GBE1: variants seen among roughly 807,000 people sequenced by gnomAD.
GBE1 encodes the protein 1,4-alpha-glucan-branching enzyme.
In GBE1, 70 loss-of-function variants were observed where a neutral mutation model predicts 88.8. The observed-to-expected ratio is 0.79, with a 90% CI of 0.65 to 0.96. The LOEUF (loss-of-function observed/expected upper bound fraction) is 0.96, where lower values mean the gene tolerates loss of function less well. Ranked by LOEUF, GBE1 falls within the 40% of genes least tolerant of loss-of-function variation. The probability of loss-of-function intolerance (pLI) is 0.00; values close to 1 mark genes in which losing one functional copy is unlikely to be tolerated. For synonymous variants in GBE1, 284 were observed against 300.1 expected (o/e 0.95, Z 0.56); for missense variants, 872 against 871.0 (o/e 1.00, Z -0.01).
Position 81,647,235 on chromosome 3 carries a change from G to T in GBE1, c.692-753C>A, listed in dbSNP as rs544814477. Among the ~76,000 whole-genome samples the T allele has an allele frequency of 3.4e-4, 51 of 152,216 alleles. No individual in the cohort carries two copies. The East Asian group carries it at 8.9e-3, about 27-fold the overall frequency. ...AGCCTCCCAAAGTGCTGGGATTACA[G>T]GCGTGAGCCACCGCGCCCAGCCTGC... On this transcript the variant is annotated intron_variant, in intron 5 of 15. Transcript: ENST00000429644.
intron 7 of GBE1, among the ~76,000 whole-genome samples, chr3:81,611,725 G>T (rs892310155): frequency 6.6e-6 from 1 of 152,106 alleles, no homozygotes; most frequent in African/African-American, 2.4e-5. Context: ...AATTTTTTAG[G>T]ATGAGAATTG....
intron 1 of GBE1, among the ~76,000 whole-genome samples, chr3:81,760,050 C>T (rs1706657309): frequency 6.6e-6 from 1 of 152,108 alleles, no homozygotes; most frequent in Non-Finnish European, 1.5e-5. Flanking sequence ...CAACCTTAAA[C>T]CTATGACGAT....
chr3:81,581,113 G>A (rs938197535), intron 11 of GBE1, 52 bp downstream of exon 11: 74 of 1,008,762 alleles, frequency 7.3e-5, no homozygotes, highest in Non-Finnish European at 1.1e-4. Context: ...GGAGAGGGAA[G>A]GAGGAAGAGA....
intron 7 of GBE1, among the ~76,000 whole-genome samples, chr3:81,606,316 T>C (rs1704100838): frequency 6.6e-6 from 1 of 152,230 alleles, no homozygotes; most frequent in Non-Finnish European, 1.5e-5. Flanking sequence ...TCATATATAA[T>C]GACACGGAGG....
chr3:81,610,540 TG>T (rs1160501820), intron 7 of GBE1, among the ~76,000 whole-genome samples: 1 of 152,066 alleles, frequency 6.6e-6, no homozygotes, highest in Non-Finnish European at 1.5e-5. Context: ...TTTGAGAAAT[TG>T]GGGGTGGCAT....
intron 3 of GBE1, among the ~76,000 whole-genome samples, 174 bp downstream of exon 3, chr3:81,670,664 T>C (rs1705177142): frequency 6.6e-6 from 1 of 152,202 alleles, no homozygotes; most frequent in African/African-American, 2.4e-5. Flanking sequence ...AATTCTAATC[T>C]AACCCAGTTC....
intron 3 of GBE1, among the ~76,000 whole-genome samples, chr3:81,656,175 T>G (rs1704936647): frequency 6.6e-6 from 1 of 152,152 alleles, no homozygotes; most frequent in Admixed American, 6.5e-5. Context: ...CAAGAATCTG[T>G]GAATGATACC....
chr3:81,621,910 C>A (rs1704338316), intron 7 of GBE1, among the ~76,000 whole-genome samples: 1 of 152,118 alleles, frequency 6.6e-6, no homozygotes, highest in African/African-American at 2.4e-5. Flanking sequence ...AACACCCAAT[C>A]AAATCTACCT....
chr3:81,568,082 T>C (rs77510405), intron 12 of GBE1, among the ~76,000 whole-genome samples: 2 of 152,142 alleles, frequency 1.3e-5, no homozygotes, highest in African/African-American at 4.8e-5. Context: ...TTAGAGAGTG[T>C]TTTTCTGTGA....
At chr3:81,547,605 C>A (rs1476429415) in intron 12 of GBE1, among the ~76,000 whole-genome samples, 1 of 147,686 alleles carries the variant, frequency 6.8e-6, no homozygotes, top group Admixed American at 6.8e-5. Context: ...TCTTACTAGT[C>A]AGGCTTCTAG....
chr3:81,736,095 G>A (rs1445211472), intron 1 of GBE1, among the ~76,000 whole-genome samples: 1 of 152,062 alleles, frequency 6.6e-6, no homozygotes, highest in Non-Finnish European at 1.5e-5. Flanking sequence ...CTAGCTCAAT[G>A]GCAGCATATC....
chr3:81,684,080 A>T (rs1705396671), intron 2 of GBE1, among the ~76,000 whole-genome samples: 1 of 152,214 alleles, frequency 6.6e-6, no homozygotes, highest in South Asian at 2.1e-4. Context: ...CGATTACCTC[A>T]AATGTCCTAT....
intron 14 of GBE1, among the ~76,000 whole-genome samples, chr3:81,518,161 A>G (rs1246072132): frequency 6.6e-6 from 1 of 151,428 alleles, no homozygotes; most frequent in Non-Finnish European, 1.5e-5. Flanking sequence ...AGGTTATGAC[A>G]ATATTTCTGA....
At chr3:81,570,420 G>C (rs1167420329) in intron 12 of GBE1, among the ~76,000 whole-genome samples, 1 of 152,194 alleles carries the variant, frequency 6.6e-6, no homozygotes, top group African/African-American at 2.4e-5. Context: ...TGAGCAAGAT[G>C]TTATGAATCT....
At chr3:81,604,876 C>A (rs1391081242) in intron 7 of GBE1, among the ~76,000 whole-genome samples, 1 of 152,112 alleles carries the variant, frequency 6.6e-6, no homozygotes, top group Non-Finnish European at 1.5e-5. Flanking sequence ...AGAGACCTTT[C>A]ATAACATGTT....
intron 14 of GBE1, among the ~76,000 whole-genome samples, chr3:81,499,942 T>C (rs891546066): frequency 1.3e-5 from 2 of 152,184 alleles, no homozygotes; most frequent in African/African-American, 4.8e-5. Context: ...CTTAGAAATC[T>C]TGTTTCTTCT....
intron 2 of GBE1, among the ~76,000 whole-genome samples, chr3:81,676,010 G>A (rs1576195497): frequency 6.6e-6 from 1 of 152,096 alleles, no homozygotes; most frequent in Admixed American, 6.6e-5. Context: ...TTAATGAATA[G>A]TAAATATATT....
intron 1 of GBE1, among the ~76,000 whole-genome samples, chr3:81,738,523 T>C (rs1047818550): frequency 1.3e-5 from 2 of 150,984 alleles, no homozygotes; most frequent in African/African-American, 2.5e-5. Flanking sequence ...GCAAAAAATG[T>C]GTGTTTTTTT....
intron 3 of GBE1, among the ~76,000 whole-genome samples, chr3:81,652,224 T>A (rs1391051696): frequency 6.6e-6 from 1 of 152,214 alleles, no homozygotes; most frequent in African/African-American, 2.4e-5. Context: ...GTGTCACCCC[T>A]ATGGGGCTTG....
Sources: gnomAD v4.1 joint callset for allele counts (sites outside exome capture counted in the v4.1 genomes callset) on GRCh38, gnomAD v4.1.1 for gene constraint, MANE v1.5 for transcripts, NCBI Gene and HGNC (gene_info 2026-07-23, HGNC 2026-07-21) for gene names.